Variants in ZMYM1 observed in about 807,000 individuals in gnomAD.
The protein encoded by ZMYM1 is zinc finger MYM-type containing 1.
ZMYM1 carries 39 observed loss-of-function variants against 60.0 expected under a neutral mutation model. The observed-to-expected ratio is 0.65, with a 90% CI of 0.50 to 0.85. The LOEUF (loss-of-function observed/expected upper bound fraction) is 0.85. Among genes scored for constraint, ZMYM1 ranks in the 40% least tolerant of loss-of-function variants. ZMYM1 has a pLI of 0.00. For synonymous variants in ZMYM1, 413 were observed against 454.0 expected (o/e 0.91, Z 1.15); for missense variants, 1,171 against 1,309.5 (o/e 0.89, Z 1.63).
intron 4 of ZMYM1, among the ~76,000 whole-genome samples, chr1:35,101,840 C>T (rs1195948176): frequency 1.3e-5 from 2 of 152,080 alleles, no homozygotes; most frequent in African/African-American, 2.4e-5. Context: ...ACCGCGCCTG[C>T]TATTAGGTGT....
At chr1:35,081,887 G>A (rs563069377) in intron 1 of ZMYM1, among the ~76,000 whole-genome samples, 1 of 152,018 alleles carries the variant, frequency 6.6e-6, no homozygotes, top group African/African-American at 2.4e-5. Context: ...TAGTAGATAC[G>A]GGTTTCACCA....
chr1:35,076,891 C>T (rs144224250), upstream of ZMYM1, among the ~76,000 whole-genome samples: 511 of 150,606 alleles, frequency 3.4e-3, 5 homozygotes, highest in African/African-American at 0.011. Flanking sequence ...ACCAAGATCA[C>T]GCCATTGCAC....
At chr1:35,109,548 A>G (rs921270230) in intron 6 of ZMYM1, among the ~76,000 whole-genome samples, 1 of 152,160 alleles carries the variant, frequency 6.6e-6, no homozygotes, top group Admixed American at 6.5e-5. Context: ...TAGCCTAGAA[A>G]AACAGTGATT....
chr1:35,104,880 G>A, intron 6 of ZMYM1, 111 bp downstream of exon 6: 1 of 781,318 alleles, frequency 1.3e-6, no homozygotes, highest in South Asian at 2.0e-5. Context: ...TCGATAAGTT[G>A]ATGAAGATGA....
intron 1 of ZMYM1, among the ~76,000 whole-genome samples, chr1:35,067,957 A>C (rs115494077): frequency 6.6e-6 from 1 of 151,912 alleles, no homozygotes; most frequent in Non-Finnish European, 1.5e-5. Context: ...AAATGAAAAA[A>C]TTTTTTAAAT....
At chr1:35,101,238 A>ATACT (rs1643636844) in intron 4 of ZMYM1, among the ~76,000 whole-genome samples, 1 of 150,392 alleles carries the variant, frequency 6.6e-6, no homozygotes, top group African/African-American at 2.5e-5. Context: ...CCTCCCTAGT[A>ATACT]ACTGGGATTA....
intron 1 of ZMYM1, among the ~76,000 whole-genome samples, chr1:35,080,889 G>C (rs1055648196): frequency 6.6e-6 from 1 of 151,972 alleles, no homozygotes; most frequent in Non-Finnish European, 1.5e-5. Flanking sequence ...ATAGCCTTCT[G>C]CCTCCAGCCT....
intron 4 of ZMYM1, among the ~76,000 whole-genome samples, chr1:35,098,693 G>A (rs1643471542): frequency 6.6e-6 from 1 of 150,448 alleles, no homozygotes; most frequent in African/African-American, 2.5e-5. Flanking sequence ...GAATGCCTGA[G>A]CTCAGGAGTT....
chr1:35,111,178 T>C (rs1001672402), intron 7 of ZMYM1, among the ~76,000 whole-genome samples: 1 of 152,154 alleles, frequency 6.6e-6, no homozygotes, highest in South Asian at 2.1e-4. Flanking sequence ...GAAATAGAAG[T>C]GATTGTAAAT....
At chr1:35,067,049 G>A (rs754125988) in intron 1 of ZMYM1, among the ~76,000 whole-genome samples, 2 of 152,144 alleles carry the variant, frequency 1.3e-5, no homozygotes, top group Non-Finnish European at 2.9e-5. Context: ...TGCAATCTCG[G>A]CTCACTGCAA....
chr1:35,073,879 TC>T (rs1383557898), intron 1 of ZMYM1, among the ~76,000 whole-genome samples: 3 of 152,156 alleles, frequency 2.0e-5, no homozygotes, highest in Non-Finnish European at 1.5e-5. Context: ...CACTGCAACT[TC>T]CGCCTCCCAG....
intron 1 of ZMYM1, among the ~76,000 whole-genome samples, chr1:35,073,630 TA>T (rs911834155): frequency 1.7e-5 from 1 of 57,952 alleles, no homozygotes; most frequent in African/African-American, 7.2e-5. Context: ...AGAAAGGAAA[TA>T]AAAAAAGAAA....
At chr1:35,094,788 G>A (rs950360897) in intron 2 of ZMYM1, among the ~76,000 whole-genome samples, 5 of 152,104 alleles carry the variant, frequency 3.3e-5, no homozygotes, top group South Asian at 2.1e-4. Context: ...ATTCAAGGAA[G>A]CAATGAGCTA....
In ZMYM1 at chr1:35,114,914, A is replaced by G. The variant is rs747287634; in HGVS notation, c.3084A>G (p.Arg1028=). ...KLDEDIIPEL[R]FYRHYAKLNF... is the part of the protein sequence containing the mutation. ...ATGAGGACATTATCCCAGAACTTAG[A>G]TTTTATCGACATTATGCAAAGCTTA... Residue 1028 remains arginine, a synonymous_variant, in exon 10 of 10, where the codon AGA becomes AGG. Coordinates refer to ENST00000359858, the MANE Select transcript of ZMYM1 (RefSeq NM_024772.5). The G allele has an allele frequency of 6.2e-7, 1 of 1,612,112 alleles. No homozygotes were observed. The highest frequency in any genetic ancestry group is 8.5e-7 in the Non-Finnish European group (1 of 1,178,380).
chr1:35,070,410 G>T (rs545696602), intron 1 of ZMYM1, among the ~76,000 whole-genome samples: 1 of 152,076 alleles, frequency 6.6e-6, no homozygotes, highest in East Asian at 1.9e-4. Context: ...TAGAAACACT[G>T]CTGATTTTTC....
downstream of ZMYM1, among the ~76,000 whole-genome samples, chr1:35,118,108 G>A (rs1199756133): frequency 6.6e-6 from 1 of 151,954 alleles, no homozygotes; most frequent in East Asian, 1.9e-4. Context: ...AGGTGTGGTG[G>A]TGGGTGCCTG....
In ZMYM1 at chr1:35,106,095, A is replaced by C. The variant is rs573370423; in HGVS notation, c.807+1326A>C. Among the ~76,000 whole-genome samples, 9 of 152,264 alleles carry C rather than the reference A, an allele frequency of 5.9e-5. No individual in the cohort carries two copies. In the South Asian group the frequency reaches 1.9e-3, roughly 32 times the overall value. The stretch of plus-strand genomic sequence containing the variant: ...CATAGCAAGAACCTGTCTTTAAAAA[A>C]ACAAACAAAAAATATCACATGCTTT... On this transcript the variant is annotated intron_variant, in intron 6 of 9. Coordinates refer to ENST00000359858, the MANE Select transcript of ZMYM1 (RefSeq NM_024772.5).
chr1:35,109,936 C>T (rs569660113), intron 6 of ZMYM1, among the ~76,000 whole-genome samples: 7 of 152,082 alleles, frequency 4.6e-5, no homozygotes, highest in East Asian at 1.9e-4. Context: ...TTAGTAGAGA[C>T]GGGATTTCAC....
At position 35,113,240 on chromosome 1, in the gene ZMYM1, T is replaced by G; in HGVS notation, c.1410T>G (p.Ser470Arg). Residue 470 changes from serine to arginine, a missense_variant, in exon 10 of 10, where the codon AGT becomes AGG. Physicochemically the swap from Ser to Arg is moderately radical, Grantham distance 110 (BLOSUM62 -1). Transcript: ENST00000359858. ...CAGATTTTGAGTGTTTGGAAAACAG[T>G]AAAAAAGATGTGGCATTCTGTTATT... ...CCADFECLEN[S>R]KKDVAFCYSC... 6.2e-7 allele frequency: 1 copy of G among 1,613,170 alleles called. No homozygotes were observed. Among genetic ancestry groups the G allele is most frequent in the Non-Finnish European group, 8.5e-7 (1 of 1,179,250 alleles).
Sources: gnomAD v4.1 joint callset for allele counts (sites outside exome capture counted in the v4.1 genomes callset) on GRCh38, gnomAD v4.1.1 for gene constraint, MANE v1.5 for transcripts, NCBI Gene and HGNC (gene_info 2026-07-23, HGNC 2026-07-21) for gene names.